The following ALPI variants were observed in gnomAD, a reference collection of about 807,000 sequenced individuals.
The protein encoded by ALPI is alkaline phosphatase, intestinal, also known as intestinal-type alkaline phosphatase.
ALPI carries 50 observed loss-of-function variants against 51.5 expected under a neutral mutation model. That is an observed-to-expected ratio of 0.97 (90% CI 0.77 to 1.23). The LOEUF (loss-of-function observed/expected upper bound fraction) is 1.23. Among genes scored for constraint, ALPI ranks in the 50% most tolerant of loss-of-function variants. The pLI is 0.00. For synonymous variants in ALPI, 322 were observed against 308.2 expected (o/e 1.04, Z -0.47); for missense variants, 692 against 722.4 (o/e 0.96, Z 0.48).
chr2:232,458,175 C>G, intron 8 of ALPI, 42 bp from the exon 9 acceptor site: 1 of 1,613,548 alleles, frequency 6.2e-7, no homozygotes, highest in South Asian at 1.1e-5. Context: ...CGGGGCGCGG[C>G]AGGGCAGGTT....
At position 232,456,702 on chromosome 2, in the gene ALPI, G is replaced by T. The variant is rs1690198571; in HGVS notation, c.300+7G>T. On this transcript the variant is annotated splice_region_variant and intron_variant, in intron 3 of 10. Transcript: ENST00000295463. This position sits in a 1 kb window ranked among gnomAD's most constrained non-coding sequence, Gnocchi z 4.2. ...ATACCTGGCTCTGTCCAAGGTAAGGGCTGGGCCACCTCAGAGTCCTCCAAG... is the reference window on the plus strand; with the variant it reads ...ATACCTGGCTCTGTCCAAGGTAAGGTCTGGGCCACCTCAGAGTCCTCCAAG... 1 of 1,591,812 alleles carries T rather than the reference G, an allele frequency of 6.3e-7. No individual in the cohort carries two copies. The highest frequency in any genetic ancestry group is 1.3e-5 in the African/African-American group (1 of 74,440).
rs1285760370 is a variant in ALPI, at chr2:232,458,992, C to G, written c.1433C>G (p.Ala478Gly). 21 of 1,580,276 alleles carry G rather than the reference C, an allele frequency of 1.3e-5. No homozygotes were observed. The highest frequency in any genetic ancestry group is 1.8e-5 in the Non-Finnish European group (21 of 1,163,668). Residue 478 changes from alanine to glycine, a missense_variant, in exon 11 of 11, where the codon GCG becomes GGG. By Grantham distance (60) the Ala-to-Gly change is moderately conservative. Coordinates refer to ENST00000295463, the MANE Select transcript of ALPI (RefSeq NM_001631.5). The part of the protein sequence containing the change: ...VHGVQEQSFV[A>G]HVMAFAACLE... ...GGTGTGCAGGAGCAGAGCTTCGTAG[C>G]GCATGTCATGGCCTTCGCTGCCTGT...
chr2:232,457,633 T>TGCCA lies in ALPI; in HGVS notation c.723_726dup (p.Asn243ProfsTer30). On this transcript the variant is annotated frameshift_variant, in exon 6 of 11. Coordinates refer to ENST00000295463, the MANE Select transcript of ALPI (RefSeq NM_001631.5). LOFTEE classifies it high-confidence loss of function. This position sits in a 1 kb window ranked among gnomAD's most constrained non-coding sequence, Gnocchi z 4.7. ...CCCCAGACCCTGAGTACCCAGCTGA[T>TGCCA]GCCAGCCAGAATGGAATCAGGCTGG... 1 of 1,614,038 alleles carries TGCCA rather than the reference T, an allele frequency of 6.2e-7. No homozygotes were observed. Among genetic ancestry groups the TGCCA allele is most frequent in the Non-Finnish European group, 8.5e-7 (1 of 1,179,966 alleles).
chr2:232,458,584 C>G (rs745457967), intron 9 of ALPI, 48 bp from the exon 10 acceptor site: 1 of 1,587,846 alleles, frequency 6.3e-7, no homozygotes, highest in South Asian at 1.1e-5. Flanking sequence ...AGGAGGCACT[C>G]CCACAGCTGT....
chr2:232,459,437 G>A lies in ALPI; in HGVS notation c.*291G>A. The A allele has an allele frequency of 2.3e-6, 1 of 431,852 alleles. No individual in the cohort carries two copies. The highest frequency in any genetic ancestry group is 4.2e-6 in the Non-Finnish European group (1 of 239,216). The allele number at this position is 431,852 out of a possible 1,614,324, so 26.8% of individuals were successfully genotyped here. On this transcript the variant is annotated 3_prime_UTR_variant, in exon 11 of 11. Coordinates refer to ENST00000295463, the MANE Select transcript of ALPI (RefSeq NM_001631.5). The stretch of plus-strand genomic sequence containing the variant: ...CCCAGAGACTGCAGATTTGTGCCAT[G>A]CGGCTGCCTGCACCCCAGACAATAA...
In ALPI at chr2:232,457,954, C is replaced by A. The variant is rs1690227630; in HGVS notation, c.857-44C>A. On this transcript the variant is annotated intron_variant, in intron 7 of 10. Transcript: ENST00000295463. The surrounding 1 kb of genome is among the most constrained non-coding windows in gnomAD (Gnocchi z 4.7). ...TGTGTGCCCATTTGCCAGCACCCTC[C>A]CGCTCACAGCCTGCCAATCACCACC... The A allele has an allele frequency of 3.1e-6, 5 of 1,612,440 alleles. No homozygotes were observed. Among genetic ancestry groups the A allele is most frequent in the Non-Finnish European group, 4.2e-6 (5 of 1,178,966 alleles).
Position 232,457,420 on chromosome 2 carries a change from T to G in ALPI, c.648+98T>G. 1 of 1,549,550 alleles carries G rather than the reference T, an allele frequency of 6.5e-7. No individual in the cohort carries two copies. Among genetic ancestry groups the G allele is most frequent in the Non-Finnish European group, 8.7e-7 (1 of 1,149,118 alleles). ...AAGCCTGATCTGGGTCAGCAGGTTC[T>G]GGAGGTGGAGTTGGGGATGTAGAAT... is the stretch of plus-strand genomic sequence containing the variant. On this transcript the variant is annotated intron_variant, in intron 5 of 10. Transcript: ENST00000295463. The surrounding 1 kb of genome is among the most constrained non-coding windows in gnomAD (Gnocchi z 4.7).
Position 232,459,499 on chromosome 2 carries a change from T to G in ALPI, c.*353T>G, listed in dbSNP as rs2573215. The G allele has an allele frequency of 0.15, 43,563 of 281,908 alleles. 3,722 individuals are homozygous for G. The highest frequency in any genetic ancestry group is 0.28 in the East Asian group (3,351 of 11,936). 17.5% of individuals were successfully genotyped at this position (281,908 alleles called of 1,614,324 possible). On this transcript the variant is annotated 3_prime_UTR_variant, in exon 11 of 11. Coordinates refer to ENST00000295463, the MANE Select transcript of ALPI (RefSeq NM_001631.5). ...CCACCCAACCCCCACCCTGCCTCTA[T>G]CCTAAGGAAGACCAAGCAGGCCTGG...
In ALPI at chr2:232,458,928, G is replaced by A. The variant is rs1159725318; in HGVS notation, c.1369G>A (p.Ala457Thr). The change falls in exon 11 of 11, where the codon GCG becomes ACG. Residue 457 changes from alanine (A) to threonine (T), a missense_variant. By Grantham distance (58) the Ala-to-Thr change is moderately conservative (BLOSUM62 0). Transcript: ENST00000295463. ...SSETHGGEDV[A>T]VFARGPQAHL... Reference sequence around the variant, plus strand: ...CGAGACCCACGGAGGCGAAGACGTGGCGGTGTTTGCGCGCGGCCCGCAGGC... The same window carrying A: ...CGAGACCCACGGAGGCGAAGACGTGACGGTGTTTGCGCGCGGCCCGCAGGC... 1 of 1,608,298 alleles carries A rather than the reference G, an allele frequency of 6.2e-7. No individual in the cohort carries two copies. Among genetic ancestry groups the A allele is most frequent in the African/African-American group, 1.3e-5 (1 of 74,786 alleles).
Position 232,459,378 on chromosome 2 carries a change from C to A in ALPI, c.*232C>A. ...GCTGAGCCTGGGACTTCCAGGACCT[C>A]CCCTCAGGTTGTTCTCTGATTCTTC... On this transcript the variant is annotated 3_prime_UTR_variant, in exon 11 of 11. Coordinates refer to ENST00000295463, the MANE Select transcript of ALPI (RefSeq NM_001631.5). 1 of 565,864 alleles carries A rather than the reference C, an allele frequency of 1.8e-6. No individual in the cohort carries two copies. The allele number at this position is 565,864 out of a possible 1,614,324, so 35.1% of individuals were successfully genotyped here.
In ALPI at chr2:232,456,161, G is replaced by A. The variant is rs1231100970; in HGVS notation, c.-39G>A. 2 of 1,610,578 alleles carry A rather than the reference G, an allele frequency of 1.2e-6. No homozygotes were observed. Among genetic ancestry groups the A allele is most frequent in the African/African-American group, 1.3e-5 (1 of 74,962 alleles). ...GCAGCCTGCGCTGCAGCCGGTTCCT[G>A]GTGTCCCCACTTCGCCTCCCTCCTG... is the stretch of plus-strand genomic sequence containing the variant. On this transcript the variant is annotated 5_prime_UTR_variant, in exon 1 of 11. Coordinates refer to ENST00000295463, the MANE Select transcript of ALPI (RefSeq NM_001631.5). This position sits in a 1 kb window ranked among gnomAD's most constrained non-coding sequence, Gnocchi z 4.2.
chr2:232,456,219 T>C lies in ALPI; in HGVS notation c.20T>C (p.Leu7Pro), dbSNP rs146003610. 101 of 1,613,728 alleles carry C rather than the reference T, an allele frequency of 6.3e-5. 1 individual carries two copies. In the African/African-American group the frequency reaches 1.1e-3, roughly 17 times the overall value. The change falls in exon 1 of 11, where the codon CTG (leucine) becomes CCG (proline). Residue 7 changes from leucine to proline, a missense_variant. Coordinates refer to ENST00000295463, the MANE Select transcript of ALPI (RefSeq NM_001631.5). The surrounding 1 kb of genome is among the most constrained non-coding windows in gnomAD (Gnocchi z 4.2). MQGPWVLLLLGLRLQLS... is the reference protein window; with the variant it reads MQGPWVPLLLGLRLQLS... The stretch of plus-strand genomic sequence containing the variant: ...CAAGACATGCAGGGGCCCTGGGTGC[T>C]GCTGCTGCTGGGCCTGAGGCTACAG...
chr2:232,458,940 C>A lies in ALPI; in HGVS notation c.1381C>A (p.Arg461Ser). The change falls in exon 11 of 11, where the codon CGC becomes AGC. Residue 461 changes from arginine (R) to serine (S), a missense_variant. By Grantham distance (110) the Arg-to-Ser change is moderately radical. Transcript: ENST00000295463. ...HGGEDVAVFA[R>S]GPQAHLVHGV... ...AGGCGAAGACGTGGCGGTGTTTGCG[C>A]GCGGCCCGCAGGCGCACCTGGTGCA... The A allele has an allele frequency of 6.2e-7, 1 of 1,605,090 alleles. No individual in the cohort carries two copies. Among genetic ancestry groups the A allele is most frequent in the East Asian group, 2.3e-5 (1 of 44,356 alleles).
rs1466058706 is a variant in ALPI at position 232,456,179 on chromosome 2, C to T, written c.-21C>T. The T allele has an allele frequency of 6.8e-6, 11 of 1,612,450 alleles. No homozygotes were observed. The highest frequency in any genetic ancestry group is 1.3e-5 in the African/African-American group (1 of 75,014). On this transcript the variant is annotated 5_prime_UTR_variant, in exon 1 of 11. Transcript: ENST00000295463. The surrounding 1 kb of genome is among the most constrained non-coding windows in gnomAD (Gnocchi z 4.2). ...GGTTCCTGGTGTCCCCACTTCGCCT[C>T]CCTCCTGCTGCCCCCAAGACATGCA...
In ALPI at chr2:232,459,535, G is replaced by A. The variant is rs1459518278; in HGVS notation, c.*389G>A. ...ACCAAGCAGGCCTGGACCCAGAGAC[G>A]TCCCCCATCGTGGGACACGACACAC... On this transcript the variant is annotated 3_prime_UTR_variant, in exon 11 of 11. Coordinates refer to ENST00000295463, the MANE Select transcript of ALPI (RefSeq NM_001631.5). The A allele has an allele frequency of 2.4e-5, 5 of 211,474 alleles. No individual in the cohort carries two copies. The highest frequency in any genetic ancestry group is 1.6e-4 in the Admixed American group (3 of 18,870). 13.1% of individuals were successfully genotyped at this position (211,474 alleles called of 1,614,324 possible).
rs1314473835 is a variant in ALPI at position 232,460,368 on chromosome 2, GC to G, written c.*1225del. ...AGGTCTTTGAGGAGGGCTGTGACCT[GC>G]CCTGGTTGGGAAATAAGCACTCTGG... On this transcript the variant is annotated 3_prime_UTR_variant, in exon 11 of 11. Coordinates refer to ENST00000295463, the MANE Select transcript of ALPI (RefSeq NM_001631.5). Among the ~76,000 whole-genome samples the G allele has an allele frequency of 6.6e-6, 1 of 151,938 alleles. No homozygotes were observed. The highest frequency in any genetic ancestry group is 1.5e-5 in the Non-Finnish European group (1 of 67,996).
At position 232,456,843 on chromosome 2, in the gene ALPI, T is replaced by C; in HGVS notation, c.301-56T>C. 1 of 1,603,682 alleles carries C rather than the reference T, an allele frequency of 6.2e-7. No homozygotes were observed. Reference sequence around the variant, plus strand: ...TCCCAGAGGACCAGAACCAGGTCCTTGGTTGGGGTCTGGGTGTCCGCCCCG... The same window carrying C: ...TCCCAGAGGACCAGAACCAGGTCCTCGGTTGGGGTCTGGGTGTCCGCCCCG... On this transcript the variant is annotated intron_variant, in intron 3 of 10. Transcript: ENST00000295463. This position sits in a 1 kb window ranked among gnomAD's most constrained non-coding sequence, Gnocchi z 4.2.
rs1254849511 is a variant in ALPI at position 232,456,850 on chromosome 2, G to A, written c.301-49G>A. ...GGACCAGAACCAGGTCCTTGGTTGG[G>A]GTCTGGGTGTCCGCCCCGAAGTAGA... On this transcript the variant is annotated intron_variant, in intron 3 of 10. Coordinates refer to ENST00000295463, the MANE Select transcript of ALPI (RefSeq NM_001631.5). This position sits in a 1 kb window ranked among gnomAD's most constrained non-coding sequence, Gnocchi z 4.2. 1.2e-6 allele frequency: 2 copies of A among 1,607,148 alleles called. No individual in the cohort carries two copies. The highest frequency in any genetic ancestry group is 1.7e-6 in the Non-Finnish European group (2 of 1,176,410).
At position 232,457,304 on chromosome 2, in the gene ALPI, C is replaced by T. The variant is rs759790550; in HGVS notation, c.630C>T (p.Ile210=). The T allele has an allele frequency of 3.7e-6, 6 of 1,611,106 alleles. No individual in the cohort carries two copies. In the Admixed American group the frequency reaches 8.3e-5, roughly 22 times the overall value. The change falls in exon 5 of 11, where the codon ATC becomes ATT. Residue 210 remains isoleucine, a synonymous_variant. Transcript: ENST00000295463. The surrounding 1 kb of genome is among the most constrained non-coding windows in gnomAD (Gnocchi z 4.7). The part of the protein sequence containing the change: ...EGCQDIATQL[I]SNMDIDVILG... ...GCCAGGACATCGCCACTCAGCTCATCTCCAACATGGACATTGACGTGCGAC... is the reference window on the plus strand; with the variant it reads ...GCCAGGACATCGCCACTCAGCTCATTTCCAACATGGACATTGACGTGCGAC...
Sources: gnomAD v4.1 joint callset for allele counts (sites outside exome capture counted in the v4.1 genomes callset) on GRCh38, gnomAD v4.1.1 for gene constraint, Gnocchi (gnomAD v3.1) non-coding constraint, MANE v1.5 for transcripts, NCBI Gene and HGNC (gene_info 2026-07-23, HGNC 2026-07-21) for gene names.